Variants in AVL9 observed in about 807,000 individuals in gnomAD.
AVL9 encodes the protein late secretory pathway protein AVL9 homolog.
A neutral mutation model predicts 79.2 loss-of-function variants in AVL9; 49 were observed. The ratio of observed to expected loss-of-function variants is 0.62; its 90% CI spans 0.49 to 0.79. The LOEUF (loss-of-function observed/expected upper bound fraction) is 0.79, where lower values mean the gene tolerates loss of function less well. Ranked by LOEUF, AVL9 falls within the 30% of genes least tolerant of loss-of-function variation. The probability of loss-of-function intolerance (pLI) is 0.00; values close to 1 mark genes in which losing one functional copy is unlikely to be tolerated. For synonymous variants in AVL9, 299 were observed against 280.6 expected, an observed-to-expected ratio of 1.07 and a Z score of -0.65; for missense variants, 682 against 776.8, an observed-to-expected ratio of 0.88 and a Z score of 1.45.
chr7:32,562,875 C>T (rs1245206406), intron 10 of AVL9, among the ~76,000 whole-genome samples: 1 of 152,206 alleles, frequency 6.6e-6, no homozygotes, highest in Non-Finnish European at 1.5e-5. Context: ...TGAGCCATGA[C>T]TGTGCCACTG....
chr7:32,518,540 G>T (rs184945724), intron 1 of AVL9, among the ~76,000 whole-genome samples: 34 of 152,140 alleles, frequency 2.2e-4, no homozygotes, highest in Admixed American at 2.2e-3. Context: ...AGCTTTAAAG[G>T]TTATGTATAA....
intron 12 of AVL9, among the ~76,000 whole-genome samples, chr7:32,573,967 A>T (rs1790973731): frequency 6.6e-6 from 1 of 152,230 alleles, no homozygotes; most frequent in African/African-American, 2.4e-5. Flanking sequence ...TTACTCCTGC[A>T]TTAAAACTAT....
chr7:32,541,464 T>C (rs1789204936), intron 1 of AVL9, among the ~76,000 whole-genome samples: 1 of 152,124 alleles, frequency 6.6e-6, no homozygotes. Context: ...AATATAATTA[T>C]TTATTTTTTT....
chr7:32,503,135 G>A (rs575872306), intron 1 of AVL9, among the ~76,000 whole-genome samples: 1 of 151,772 alleles, frequency 6.6e-6, no homozygotes, highest in East Asian at 1.9e-4. Context: ...AGGTAATTAA[G>A]TTGTCAGAAG....
rs71559236 is a variant in AVL9 at position 32,548,151 on chromosome 7, C to CTTTTGTTTTCTTTTTGTTTTTTTTTTTTT, written c.301-692_301-691insGTTTTCTTTTTGTTTTTTTTTTTTTTTTT. On this transcript the variant is annotated intron_variant, in intron 3 of 15. Transcript: ENST00000318709. ...TGTCTGTTTTTGTCATCTCTTTTTT[C>CTTTTGTTTTCTTTTTGTTTTTTTTTTTTT]TTTTTTTTTTTTTTGAGACGGAGTC... is the stretch of plus-strand genomic sequence containing the variant. Among the ~76,000 whole-genome samples, 3 of 131,600 alleles carry CTTTTGTTTTCTTTTTGTTTTTTTTTTTTT rather than the reference C, an allele frequency of 2.3e-5. 1 individual carries two copies. The highest frequency in any genetic ancestry group is 2.1e-4 in the East Asian group (1 of 4,714). 86.3% of individuals were successfully genotyped at this position (131,600 alleles called of 152,430 possible). A position where few individuals can be genotyped will look rare whatever the true frequency, so the allele number is the denominator to read the frequency against.
At chr7:32,541,492 TAAAA>T (rs1004373331) in intron 1 of AVL9, among the ~76,000 whole-genome samples, 10 of 152,248 alleles carry the variant, frequency 6.6e-5, no homozygotes, top group Non-Finnish European at 1.5e-4. Context: ...TTTTTGGTGT[TAAAA>T]AATAATTCTG....
At chr7:32,563,114 C>T (rs1430309726) in intron 10 of AVL9, among the ~76,000 whole-genome samples, 1 of 152,126 alleles carries the variant, frequency 6.6e-6, no homozygotes, top group East Asian at 1.9e-4. Context: ...TTACTGCAAC[C>T]TCCACGTCCC....
At chr7:32,517,818 TTTTG>T (rs149396100) in intron 1 of AVL9, among the ~76,000 whole-genome samples, 52,151 of 150,220 alleles carry the variant, frequency 0.35, 9,314 homozygotes, top group East Asian at 0.47. Context: ...TGTGTTTTTT[TTTTG>T]TTTGTTTGTT....
Position 32,580,893 on chromosome 7 carries a change from A to G in AVL9, c.1831+3A>G. On this transcript the variant is annotated splice_donor_region_variant and intron_variant, in intron 15 of 15. Coordinates refer to ENST00000318709, the MANE Select transcript of AVL9 (RefSeq NM_015060.3). Reference sequence around the variant, plus strand: ...TGTACAAACAGGAAAAGCTGTTGGTAAGACATGCCTTTAGCCAGGAACAAA... The same window carrying G: ...TGTACAAACAGGAAAAGCTGTTGGTGAGACATGCCTTTAGCCAGGAACAAA... 5.6e-6 allele frequency: 9 copies of G among 1,612,082 alleles called. No homozygotes were observed. The highest frequency in any genetic ancestry group is 7.6e-6 in the Non-Finnish European group (9 of 1,178,510).
At chr7:32,579,514 ATATTATATATTATATAT>A in intron 13 of AVL9, among the ~76,000 whole-genome samples, 1 of 3,880 alleles carries the variant, frequency 2.6e-4, no homozygotes, top group African/African-American at 1.1e-3. Context: ...ATTATATATT[ATATTATATATTATATAT>A]TATATTATAT....
intron 8 of AVL9, among the ~76,000 whole-genome samples, chr7:32,556,199 T>G (rs1204815238): frequency 6.6e-6 from 1 of 152,136 alleles, no homozygotes; most frequent in Non-Finnish European, 1.5e-5. Context: ...TTTTTCTGTA[T>G]CCTATTTTTC....
chr7:32,551,265 T>G, intron 4 of AVL9, 69 bp from the exon 5 acceptor site: 1 of 1,021,948 alleles, frequency 9.8e-7, no homozygotes, highest in Non-Finnish European at 1.5e-6. Context: ...TTTGTTTTAC[T>G]ATTATCAACC....
intron 1 of AVL9, among the ~76,000 whole-genome samples, chr7:32,523,413 T>A (rs1788253989): frequency 6.6e-6 from 1 of 151,696 alleles, no homozygotes. Context: ...GAACCTAAAC[T>A]TTTTTTAACC....
rs181165439 is a variant in AVL9 at position 32,504,207 on chromosome 7, C to A, written c.93+8405C>A. On this transcript the variant is annotated intron_variant, in intron 1 of 15. Coordinates refer to ENST00000318709, the MANE Select transcript of AVL9 (RefSeq NM_015060.3). ...AGTTCATTAACATTTCAATTAAATA[C>A]ATTGATTTAATTTAATAAATCAATT... is the stretch of plus-strand genomic sequence containing the variant. Among the ~76,000 whole-genome samples, 4 of 152,294 alleles carry A rather than the reference C, an allele frequency of 2.6e-5. No individual in the cohort carries two copies. The East Asian group carries it at 7.7e-4, about 29-fold the overall frequency.
Position 32,511,592 on chromosome 7 carries a change from G to T in AVL9, c.93+15790G>T, listed in dbSNP as rs559048040. On this transcript the variant is annotated intron_variant, in intron 1 of 15. Transcript: ENST00000318709. Reference sequence around the variant, plus strand: ...AAGATAGGAGGACACTTGGAAAGGGGTGCCTGACGAGCAGGGCGGTGGCAT... The same window carrying T: ...AAGATAGGAGGACACTTGGAAAGGGTTGCCTGACGAGCAGGGCGGTGGCAT... Among the ~76,000 whole-genome samples, 4 of 152,174 alleles carry T rather than the reference G, an allele frequency of 2.6e-5. No homozygotes were observed. The South Asian group carries it at 8.3e-4, about 32-fold the overall frequency.
chr7:32,524,414 C>T (rs1788309717), intron 1 of AVL9, among the ~76,000 whole-genome samples: 2 of 152,004 alleles, frequency 1.3e-5, no homozygotes, highest in Non-Finnish European at 2.9e-5. Flanking sequence ...ACTCGGGAGG[C>T]TGAGACTGGA....
chr7:32,556,785 A>C (rs1454096108), intron 8 of AVL9, among the ~76,000 whole-genome samples: 1 of 151,862 alleles, frequency 6.6e-6, no homozygotes, highest in African/African-American at 2.4e-5. Flanking sequence ...TTATTTTTTG[A>C]GACAGGGTAT....
In AVL9 at chr7:32,581,666, T is replaced by TA. The variant is rs919790970; in HGVS notation, c.1831+785dup. On this transcript the variant is annotated intron_variant, in intron 15 of 15. Transcript: ENST00000318709. ...GGGCAACATAGTGAGACCCCATCTC[T>TA]AAAAAAAAATTTAAAAAGTCAGTAG... 346 of 151,394 alleles carry TA rather than the reference T, an allele frequency of 2.3e-3. 2 individuals are homozygous for TA. Among genetic ancestry groups the TA allele is most frequent in the African/African-American group, 7.3e-3 (303 of 41,244 alleles). 9.4% of individuals were successfully genotyped at this position (151,394 alleles called of 1,614,324 possible). A position where few individuals can be genotyped will look rare whatever the true frequency, so the allele number is the denominator to read the frequency against.
At chr7:32,566,878 G>A (rs1444865413) in intron 10 of AVL9, among the ~76,000 whole-genome samples, 1 of 152,160 alleles carries the variant, frequency 6.6e-6, no homozygotes, top group Non-Finnish European at 1.5e-5. Flanking sequence ...GCCAGACTCC[G>A]TCTCAAAAAA....
Sources: allele counts gnomAD v4.1 joint callset (sites outside exome capture counted in the v4.1 genomes callset), GRCh38; gene constraint gnomAD v4.1.1; transcripts MANE v1.5; gene names NCBI Gene and HGNC (gene_info 2026-07-23, HGNC 2026-07-21).